Variants in L3MBTL4 observed in about 807,000 individuals in gnomAD.
L3MBTL4 encodes L3MBTL histone methyl-lysine binding protein 4, also known as lethal(3)malignant brain tumor-like protein 4.
Under a neutral mutation model 84.5 loss-of-function variants are expected in L3MBTL4, and 70 were observed. The ratio of observed to expected loss-of-function variants is 0.83; its 90% confidence interval spans 0.68 to 1.01. The LOEUF (loss-of-function observed/expected upper bound fraction) is 1.01. Ranked by LOEUF, L3MBTL4 falls within the 50% of genes least tolerant of loss-of-function variation. The pLI is 0.00. For missense variants in L3MBTL4, 715 were observed against 754.8 expected, an observed-to-expected ratio of 0.95 and a Z score of 0.62; for synonymous variants, 274 against 259.8, an observed-to-expected ratio of 1.05 and a Z score of -0.52.
intron 14 of L3MBTL4, among the ~76,000 whole-genome samples, chr18:6,095,346 G>GTTTTTTTTTT (rs71370544): frequency 6.5e-5 from 8 of 122,928 alleles, no homozygotes; most frequent in African/African-American, 2.4e-4. Context: ...GGGGAACATG[G>GTTTTTTTTTT]TTTTTTTTTT....
intron 12 of L3MBTL4, among the ~76,000 whole-genome samples, chr18:6,179,241 T>G (rs1420353461): frequency 6.6e-6 from 1 of 152,242 alleles, no homozygotes; most frequent in Non-Finnish European, 1.5e-5. Context: ...CTATTTTACA[T>G]GCTTATGGCA....
At chr18:6,035,971 G>C (rs1762047381) in intron 16 of L3MBTL4, among the ~76,000 whole-genome samples, 2 of 152,138 alleles carry the variant, frequency 1.3e-5, no homozygotes, top group African/African-American at 4.8e-5. Context: ...TGGTATTTCT[G>C]GATGAAAAAT....
At chr18:6,134,130 T>C (rs563976977) in intron 14 of L3MBTL4, among the ~76,000 whole-genome samples, 2 of 151,976 alleles carry the variant, frequency 1.3e-5, no homozygotes, top group East Asian at 1.9e-4. Context: ...CAAGAGAAAG[T>C]GAGGGAGAAA....
intron 16 of L3MBTL4, among the ~76,000 whole-genome samples, chr18:6,078,011 G>C (rs376642127): frequency 1.3e-5 from 2 of 150,840 alleles, no homozygotes; most frequent in Admixed American, 6.6e-5. Flanking sequence ...TTGTGTGACA[G>C]AGCAAGACTT....
intron 4 of L3MBTL4, among the ~76,000 whole-genome samples, chr18:6,287,555 C>T (rs746573246): frequency 2.0e-5 from 3 of 152,176 alleles, no homozygotes; most frequent in Non-Finnish European, 4.4e-5. Flanking sequence ...TCATTTTGAT[C>T]GCTGTGCTGT....
intron 13 of L3MBTL4, among the ~76,000 whole-genome samples, chr18:6,168,926 T>A (rs1371351760): frequency 6.6e-6 from 1 of 152,008 alleles, no homozygotes; most frequent in African/African-American, 2.4e-5. Context: ...TGCAACCTAC[T>A]CATCTGACAA....
At chr18:6,379,292 A>G (rs1432723205) in intron 1 of L3MBTL4, among the ~76,000 whole-genome samples, 1 of 152,170 alleles carries the variant, frequency 6.6e-6, no homozygotes, top group East Asian at 1.9e-4. Context: ...CTCTTTTCCT[A>G]TTTGAATAGC....
intron 16 of L3MBTL4, among the ~76,000 whole-genome samples, chr18:5,973,308 C>T (rs1344769257): frequency 6.6e-6 from 1 of 152,186 alleles, no homozygotes; most frequent in Non-Finnish European, 1.5e-5. Flanking sequence ...TCTGCCACTG[C>T]AGGGTGGACA....
intron 1 of L3MBTL4, among the ~76,000 whole-genome samples, chr18:6,333,245 C>A (rs1422427893): frequency 1.3e-5 from 2 of 151,846 alleles, no homozygotes; most frequent in African/African-American, 4.8e-5. Context: ...AATGAAGAAG[C>A]AAAAAGAGGT....
chr18:6,106,943 A>G (rs562830959), intron 14 of L3MBTL4, among the ~76,000 whole-genome samples: 2 of 152,236 alleles, frequency 1.3e-5, no homozygotes, highest in Non-Finnish European at 2.9e-5. Context: ...TGACCTGGGG[A>G]CTACAAAAAA....
At chr18:6,015,896 G>A (rs538950342) in intron 16 of L3MBTL4, among the ~76,000 whole-genome samples, 158 of 152,222 alleles carry the variant, frequency 1.0e-3, no homozygotes, top group Non-Finnish European at 1.8e-3. Context: ...GGACGCGGAG[G>A]TTGCAGTGAG....
chr18:5,964,568 G>A (rs966039997), intron 17 of L3MBTL4, among the ~76,000 whole-genome samples: 1 of 151,904 alleles, frequency 6.6e-6, no homozygotes, highest in African/African-American at 2.4e-5. Flanking sequence ...GCAATACCCC[G>A]AATTTTTCAA....
chr18:5,997,485 G>T (rs1173108645), intron 16 of L3MBTL4, among the ~76,000 whole-genome samples: 1 of 152,184 alleles, frequency 6.6e-6, no homozygotes, highest in African/African-American at 2.4e-5. Context: ...CACTGAACCA[G>T]AACAAGGCAT....
At chr18:6,371,914 A>C (rs74638407) in intron 1 of L3MBTL4, among the ~76,000 whole-genome samples, 2 of 152,202 alleles carry the variant, frequency 1.3e-5, no homozygotes, top group African/African-American at 4.8e-5. Flanking sequence ...CCTCTCTTCA[A>C]TGTCTACCTT....
At chr18:5,961,689 GCT>G (rs2095264086) in intron 17 of L3MBTL4, among the ~76,000 whole-genome samples, 1 of 152,166 alleles carries the variant, frequency 6.6e-6, no homozygotes, top group African/African-American at 2.4e-5. Flanking sequence ...GCTGGCCCGG[GCT>G]CTTAGTATTA....
chr18:6,239,067 C>T (rs1046433392), intron 9 of L3MBTL4, among the ~76,000 whole-genome samples: 42 of 152,042 alleles, frequency 2.8e-4, no homozygotes, highest in Non-Finnish European at 1.9e-4. Flanking sequence ...GGTGGCCAGG[C>T]GCGGTGGCTC....
chr18:6,318,640 T>C (rs1308875325), intron 1 of L3MBTL4, among the ~76,000 whole-genome samples: 3 of 151,434 alleles, frequency 2.0e-5, no homozygotes, highest in Admixed American at 6.6e-5. Context: ...ACAATTACTA[T>C]TAGACCTAAA....
In L3MBTL4 at chr18:6,171,870, C is replaced by T. The variant is rs746874664; in HGVS notation, c.1054G>A (p.Gly352Arg). 1.1e-5 allele frequency: 17 copies of T among 1,554,216 alleles called. No homozygotes were observed. The highest frequency in any genetic ancestry group is 3.9e-5 in the Admixed American group (2 of 51,216). The change falls in exon 13 of 19, where the codon GGA (glycine) becomes AGA (arginine). Residue 352 changes from glycine to arginine, a missense_variant. Gly to Arg is a moderately radical substitution (Grantham distance 125, BLOSUM62 -2). Transcript: ENST00000317931. ...EADSPDIHPI[G>R]WCDVTGHPLE... ...GGATGCCCTGTGACATCACACCATC[C>T]GATCGGGTGGATATCAGGGCTGTCT...
chr18:6,200,826 T>A (rs2045618472), intron 12 of L3MBTL4, among the ~76,000 whole-genome samples: 1 of 152,232 alleles, frequency 6.6e-6, no homozygotes, highest in African/African-American at 2.4e-5. Flanking sequence ...CTATGTGATG[T>A]TAGAAATAGC....
Sources: gnomAD v4.1 joint callset for allele counts (sites outside exome capture counted in the v4.1 genomes callset) on GRCh38, gnomAD v4.1.1 for gene constraint, MANE v1.5 for transcripts, NCBI Gene and HGNC (gene_info 2026-07-23, HGNC 2026-07-21) for gene names.